VPS13B: variants seen among roughly 807,000 people sequenced by gnomAD.
The protein encoded by VPS13B is vacuolar protein sorting 13 homolog B.
In VPS13B, 285 loss-of-function variants were observed where a neutral mutation model predicts 426.4. The observed-to-expected ratio is 0.67, with a 90% CI of 0.61 to 0.74. VPS13B has a LOEUF of 0.74. VPS13B is among the 30% of genes least tolerant of loss of function. The pLI, the probability that VPS13B is intolerant of heterozygous loss-of-function variation, is 0.00. For synonymous variants in VPS13B, 1,676 were observed against 1,676.4 expected, an observed-to-expected ratio of 1.00 and a Z score of 0.01; for missense variants, 4,537 against 4,782.6, an observed-to-expected ratio of 0.95 and a Z score of 1.51.
intron 33 of VPS13B, among the ~76,000 whole-genome samples, chr8:99,607,957 A>G (rs942242975): frequency 1.3e-5 from 2 of 152,134 alleles, no homozygotes; most frequent in African/African-American, 2.4e-5. Context: ...CCTTAATGAA[A>G]GACAGCTAGA....
At chr8:99,740,147 A>G (rs1449440224) in intron 39 of VPS13B, among the ~76,000 whole-genome samples, 1 of 152,228 alleles carries the variant, frequency 6.6e-6, no homozygotes, top group Non-Finnish European at 1.5e-5. Flanking sequence ...CGGAGCTGCA[A>G]ACCACAGCAC....
intron 25 of VPS13B, among the ~76,000 whole-genome samples, chr8:99,491,100 T>A (rs1467120897): frequency 6.6e-6 from 1 of 152,190 alleles, no homozygotes; most frequent in Non-Finnish European, 1.5e-5. Context: ...TCTGGTACTT[T>A]GTGTTTTCGT....
intron 3 of VPS13B, among the ~76,000 whole-genome samples, chr8:99,088,152 C>G (rs1191032320): frequency 6.7e-6 from 1 of 148,684 alleles, no homozygotes; most frequent in African/African-American, 2.5e-5. Flanking sequence ...CCACTGTACT[C>G]CAGACTGAGT....
intron 35 of VPS13B, among the ~76,000 whole-genome samples, chr8:99,690,202 AAAT>A (rs1300958183): frequency 6.6e-6 from 1 of 152,232 alleles, no homozygotes; most frequent in East Asian, 1.9e-4. Flanking sequence ...TCAAAAATAA[AAAT>A]AATGCCTTTC....
chr8:99,277,758 G>C (rs1227335097), intron 19 of VPS13B, among the ~76,000 whole-genome samples: 1 of 151,960 alleles, frequency 6.6e-6, no homozygotes, highest in East Asian at 1.9e-4. Flanking sequence ...ATTGTTGATT[G>C]TTTCCCCTGC....
intron 24 of VPS13B, among the ~76,000 whole-genome samples, chr8:99,476,597 T>G (rs893907257): frequency 6.6e-6 from 1 of 152,084 alleles, no homozygotes; most frequent in Non-Finnish European, 1.5e-5. Flanking sequence ...TATGATACCT[T>G]ACGTTCAGGG....
chr8:99,433,498 CAT>C (rs1429831070), intron 22 of VPS13B, among the ~76,000 whole-genome samples: 1 of 152,014 alleles, frequency 6.6e-6, no homozygotes, highest in African/African-American at 2.4e-5. Context: ...CAGCACATAA[CAT>C]AGAATTAACA....
chr8:99,421,323 T>A (rs1262485976), intron 21 of VPS13B, among the ~76,000 whole-genome samples: 1 of 152,244 alleles, frequency 6.6e-6, no homozygotes, highest in African/African-American at 2.4e-5. Flanking sequence ...GAAATGAGAT[T>A]GCGATGTTAA....
intron 35 of VPS13B, among the ~76,000 whole-genome samples, chr8:99,692,975 C>G (rs1002950520): frequency 1.3e-5 from 2 of 149,408 alleles, no homozygotes; most frequent in Non-Finnish European, 3.0e-5. Flanking sequence ...GACACATACA[C>G]TCTCCCAAGA....
At chr8:99,778,660 T>G (rs775591305) in intron 41 of VPS13B, 22 bp from the exon 42 acceptor site, 2 of 1,605,050 alleles carry the variant, frequency 1.2e-6, no homozygotes, top group South Asian at 2.2e-5. Context: ...ATTGCTGTTT[T>G]CCTTGTTTGT....
chr8:99,621,902 C>T (rs1339489410), intron 33 of VPS13B, among the ~76,000 whole-genome samples: 4 of 142,416 alleles, frequency 2.8e-5, no homozygotes, highest in African/African-American at 7.8e-5. Flanking sequence ...AGCACAATCT[C>T]GACTCACTGC....
chr8:99,871,456 T>C lies in VPS13B; in HGVS notation c.11504T>C (p.Leu3835Pro). The C allele has an allele frequency of 1.2e-6, 2 of 1,614,188 alleles. No individual in the cohort carries two copies. The highest frequency in any genetic ancestry group is 2.2e-5 in the East Asian group (1 of 44,890). Residue 3835 changes from leucine to proline, a missense_variant, in exon 61 of 62, where the codon CTT becomes CCT. Transcript: ENST00000357162. ...TTTCTCCTTTTAAACAGGAAAATGC[T>C]TCAGTCTCTGGGCAGACCAGAAGTC... ...NSHVKYVWKM[L>P]QSLGRPEVHM... is the part of the protein sequence containing the mutation.
At chr8:99,257,436 G>T (rs1817804379) in intron 17 of VPS13B, among the ~76,000 whole-genome samples, 1 of 152,086 alleles carries the variant, frequency 6.6e-6, no homozygotes, top group Admixed American at 6.6e-5. Flanking sequence ...GTGCCTTGTG[G>T]CATACAGTGA....
chr8:99,396,919 A>G (rs1814755422), intron 21 of VPS13B, among the ~76,000 whole-genome samples: 1 of 148,642 alleles, frequency 6.7e-6, no homozygotes, highest in Admixed American at 6.7e-5. Flanking sequence ...TACCAAAATG[A>G]AAAAAAAAAT....
chr8:99,130,219 T>C (rs894802648), intron 8 of VPS13B, among the ~76,000 whole-genome samples: 1 of 152,214 alleles, frequency 6.6e-6, no homozygotes, highest in Non-Finnish European at 1.5e-5. Flanking sequence ...CAGCTTAGAT[T>C]TGAAGAATGT....
At chr8:99,587,044 T>G (rs920937938) in intron 33 of VPS13B, among the ~76,000 whole-genome samples, 9 of 152,250 alleles carry the variant, frequency 5.9e-5, no homozygotes, top group African/African-American at 2.2e-4. Context: ...CATTGTTCAG[T>G]TCCCACCTAT....
rs552450446 is a variant in VPS13B, at chr8:99,227,347, T to A, written c.2515+34290T>A. On this transcript the variant is annotated intron_variant, in intron 17 of 61. Transcript: ENST00000357162. Reference sequence around the variant, plus strand: ...AAAGTAACGTACATAATATAATTCATACATGTTTATTGTACTCATTGGAGC... The same window carrying A: ...AAAGTAACGTACATAATATAATTCAAACATGTTTATTGTACTCATTGGAGC... Among the ~76,000 whole-genome samples the A allele has an allele frequency of 2.0e-5, 3 of 152,296 alleles. No homozygotes were observed. In the South Asian group the frequency reaches 6.2e-4, roughly 32 times the overall value.
intron 35 of VPS13B, chr8:99,697,749 G>C (rs1284176552): frequency 1.6e-6 from 1 of 628,192 alleles, no homozygotes; most frequent in Non-Finnish European, 3.0e-6. Flanking sequence ...GCGCCCGTAG[G>C]GGAGAACATC....
At chr8:99,225,172 A>G (rs1292682783) in intron 17 of VPS13B, among the ~76,000 whole-genome samples, 1 of 152,202 alleles carries the variant, frequency 6.6e-6, no homozygotes, top group African/African-American at 2.4e-5. Flanking sequence ...TGCTTCATTT[A>G]ATGCTGTAGC....
Sources: allele counts gnomAD v4.1 joint callset (sites outside exome capture counted in the v4.1 genomes callset), GRCh38; gene constraint gnomAD v4.1.1; transcripts MANE v1.5; gene names NCBI Gene and HGNC (gene_info 2026-07-23, HGNC 2026-07-21).